The following GRM8 variants were observed in gnomAD, a reference collection of about 807,000 sequenced individuals.
GRM8 encodes the protein metabotropic glutamate receptor 8.
GRM8 carries 47 observed loss-of-function variants against 87.2 expected under a neutral mutation model. The observed-to-expected ratio is 0.54, with a 90% CI of 0.43 to 0.69. The LOEUF is 0.69. GRM8 is among the 30% of genes least tolerant of loss of function. The probability of loss-of-function intolerance (pLI) is 0.00; values close to 1 mark genes in which losing one functional copy is unlikely to be tolerated. For missense variants in GRM8, 1,019 were observed against 1,139.2 expected, an observed-to-expected ratio of 0.89 and a Z score of 1.52; for synonymous variants, 396 against 404.5, an observed-to-expected ratio of 0.98 and a Z score of 0.25.
At chr7:126,542,343 G>T (rs1816639780) in intron 8 of GRM8, among the ~76,000 whole-genome samples, 1 of 152,194 alleles carries the variant, frequency 6.6e-6, no homozygotes, top group Non-Finnish European at 1.5e-5. Context: ...GAATAAAACA[G>T]TTTCTTCTTT....
intron 3 of GRM8, among the ~76,000 whole-genome samples, chr7:127,013,350 C>A (rs142226193): frequency 2.0e-5 from 3 of 152,244 alleles, no homozygotes; most frequent in African/African-American, 2.4e-5. Context: ...ACAGCAGAGG[C>A]ATGGAGACCA....
chr7:127,247,209 C>T (rs1294052040), intron 1 of GRM8, among the ~76,000 whole-genome samples: 1 of 152,188 alleles, frequency 6.6e-6, no homozygotes, highest in African/African-American at 2.4e-5. Context: ...AACACTTCTG[C>T]TCCAAATGAG....
At chr7:126,528,790 A>C (rs569054038) in intron 9 of GRM8, among the ~76,000 whole-genome samples, 162 of 152,190 alleles carry the variant, frequency 1.1e-3, no homozygotes, top group African/African-American at 3.8e-3. Flanking sequence ...TGTATTGTCC[A>C]GGGGGAACTC....
At chr7:127,036,174 A>G (rs1009307841) in intron 3 of GRM8, among the ~76,000 whole-genome samples, 10 of 152,156 alleles carry the variant, frequency 6.6e-5, no homozygotes, top group South Asian at 4.1e-4. Context: ...CTCAATTGGT[A>G]TAAGTGCAGT....
Position 127,106,507 on chromosome 7 carries a change from G to A in GRM8, c.716C>T (p.Ser239Leu), listed in dbSNP as rs755371409. Residue 239 changes from serine to leucine, a missense_variant, in exon 3 of 11, where the codon TCG becomes TTG. Physicochemically the swap from Ser to Leu is moderately radical, Grantham distance 145. Transcript: ENST00000339582. ...AAATATATGCTTACCAATCTCCCTCGAGATCTGGGTGAAGGCCTCCACACC... is the reference window on the plus strand; with the variant it reads ...AAATATATGCTTACCAATCTCCCTCAAGATCTGGGTGAAGGCCTCCACACC... ...ESGVEAFTQISREIGGVCIAQ... is the reference protein window; with the variant it reads ...ESGVEAFTQILREIGGVCIAQ... 24 of 1,612,650 alleles carry A rather than the reference G, an allele frequency of 1.5e-5. No homozygotes were observed. The highest frequency in any genetic ancestry group is 5.5e-5 in the South Asian group (5 of 91,044).
At position 126,725,478 on chromosome 7, in the gene GRM8, G is replaced by T. The variant is rs79430884; in HGVS notation, c.1357+44387C>A. 2.3e-3 allele frequency among the ~76,000 whole-genome samples: 355 copies of T among 152,222 alleles called. 1 individual carries two copies. The highest frequency in any genetic ancestry group is 8.1e-3 in the African/African-American group (338 of 41,550). On this transcript the variant is annotated intron_variant, in intron 7 of 10. Transcript: ENST00000339582. Reference sequence around the variant, plus strand: ...GAAGGAATACAGAATAATCCAATCTGGTCCACTCCTACTCTAAAGCCCTGA... The same window carrying T: ...GAAGGAATACAGAATAATCCAATCTTGTCCACTCCTACTCTAAAGCCCTGA...
At chr7:127,159,189 C>T (rs560886327) in intron 2 of GRM8, among the ~76,000 whole-genome samples, 28 of 152,114 alleles carry the variant, frequency 1.8e-4, no homozygotes, top group Non-Finnish European at 2.8e-4. Flanking sequence ...TTGTTGTGTG[C>T]GAACTAATAA....
At chr7:126,887,637 C>T (rs1341125424) in intron 6 of GRM8, among the ~76,000 whole-genome samples, 1 of 152,054 alleles carries the variant, frequency 6.6e-6, no homozygotes, top group African/African-American at 2.4e-5. Flanking sequence ...ATATACCTCC[C>T]CCTCGCAATA....
chr7:127,049,014 A>G (rs1819207813), intron 3 of GRM8, among the ~76,000 whole-genome samples: 1 of 152,198 alleles, frequency 6.6e-6, no homozygotes, highest in Admixed American at 6.5e-5. Context: ...CCTAGGAACT[A>G]GAGGCTCGCC....
At chr7:126,537,666 A>G (rs1009555485) in intron 8 of GRM8, among the ~76,000 whole-genome samples, 2 of 152,208 alleles carry the variant, frequency 1.3e-5, no homozygotes, top group African/African-American at 4.8e-5. Context: ...AGTCCTAGCT[A>G]CTTGGGAGGC....
At chr7:127,144,823 CA>C (rs1828463490) in intron 2 of GRM8, among the ~76,000 whole-genome samples, 1 of 152,084 alleles carries the variant, frequency 6.6e-6, no homozygotes, top group Non-Finnish European at 1.5e-5. Flanking sequence ...CCTTCTTTCT[CA>C]TATGCAAATA....
intron 8 of GRM8, among the ~76,000 whole-genome samples, chr7:126,608,115 G>A (rs1798546125): frequency 6.6e-6 from 1 of 151,962 alleles, no homozygotes; most frequent in South Asian, 2.1e-4. Flanking sequence ...GTGGTAAGTA[G>A]ATGCTGCCCT....
chr7:126,616,918 C>G (rs559359902), intron 7 of GRM8, among the ~76,000 whole-genome samples: 1 of 152,084 alleles, frequency 6.6e-6, no homozygotes, highest in Non-Finnish European at 1.5e-5. Context: ...CAGGACCAGA[C>G]GGATTCAGAG....
chr7:126,749,013 C>T (rs1816063432), intron 7 of GRM8, among the ~76,000 whole-genome samples: 1 of 152,144 alleles, frequency 6.6e-6, no homozygotes, highest in Non-Finnish European at 1.5e-5. Flanking sequence ...GTACCTCACA[C>T]CTGTAATCCC....
chr7:127,109,402 G>A (rs866593237), intron 2 of GRM8, among the ~76,000 whole-genome samples: 67 of 152,038 alleles, frequency 4.4e-4, no homozygotes, highest in Middle Eastern at 3.4e-3. Flanking sequence ...CAAACTCTTC[G>A]GTCTGGTTCA....
intron 2 of GRM8, chr7:127,228,295 G>A (rs978269513): frequency 5.9e-5 from 9 of 152,162 alleles, no homozygotes; most frequent in East Asian, 1.9e-4. Context: ...AAGATCAGGC[G>A]TGTTACATGT....
chr7:127,019,767 A>G (rs919591432), intron 3 of GRM8, among the ~76,000 whole-genome samples: 1 of 152,046 alleles, frequency 6.6e-6, no homozygotes, highest in South Asian at 2.1e-4. Context: ...TCTCTATTGA[A>G]TGCTAATTAT....
At chr7:126,511,367 C>T (rs906633795) in intron 9 of GRM8, 5 of 152,090 alleles carry the variant, frequency 3.3e-5, no homozygotes, top group Non-Finnish European at 7.4e-5. Context: ...TGAATTATAT[C>T]ATCTCAGCAA....
chr7:127,104,876 T>C (rs909413645), intron 3 of GRM8, among the ~76,000 whole-genome samples: 13 of 152,348 alleles, frequency 8.5e-5, no homozygotes, highest in African/African-American at 3.1e-4. Flanking sequence ...TGGTTTCACT[T>C]AACTTTTAGA....
Sources: allele counts gnomAD v4.1 joint callset (sites outside exome capture counted in the v4.1 genomes callset), GRCh38; gene constraint gnomAD v4.1.1; transcripts MANE v1.5; gene names NCBI Gene and HGNC (gene_info 2026-07-23, HGNC 2026-07-21).